The following PAFAH2 variants were observed in gnomAD, a reference collection of about 807,000 sequenced individuals.
PAFAH2 encodes platelet-activating factor acetylhydrolase 2, cytoplasmic.
A neutral mutation model predicts 49.0 loss-of-function variants in PAFAH2; 42 were observed. The ratio of observed to expected loss-of-function variants is 0.86; its 90% CI spans 0.67 to 1.11. The LOEUF (loss-of-function observed/expected upper bound fraction) is 1.11. Among genes scored for constraint, PAFAH2 ranks in the 50% least tolerant of loss-of-function variants. PAFAH2 has a pLI of 0.00. For missense variants in PAFAH2, 503 were observed against 501.8 expected (o/e 1.00, Z -0.02); for synonymous variants, 184 against 181.3 (o/e 1.01, Z -0.12).
At chr1:25,963,369 A>G (rs2049369567) in intron 10 of PAFAH2, among the ~76,000 whole-genome samples, 1 of 152,226 alleles carries the variant, frequency 6.6e-6, no homozygotes, top group Non-Finnish European at 1.5e-5. Flanking sequence ...GGCAGAGACA[A>G]ACAATAAACA....
chr1:25,984,030 G>A lies in PAFAH2; in HGVS notation c.468C>T (p.Pro156=). Residue 156 remains proline (P), a synonymous_variant, in exon 6 of 11, where the codon CCC becomes CCT. Coordinates refer to ENST00000374282, the MANE Select transcript of PAFAH2 (RefSeq NM_000437.4). ...ATTCCTCCTGCAGCGATTCATTGGT[G>A]GGCTGGTTCTCTTCTGGGGCCTGCT... ...FCKQAPEENQ[P]TNESLQEEWI... 1.2e-6 allele frequency: 2 copies of A among 1,614,118 alleles called. No homozygotes were observed. The highest frequency in any genetic ancestry group is 1.1e-5 in the South Asian group (1 of 91,074).
intron 7 of PAFAH2, among the ~76,000 whole-genome samples, chr1:25,980,214 C>T (rs907084789): frequency 3.3e-5 from 5 of 152,186 alleles, no homozygotes; most frequent in African/African-American, 1.2e-4. Flanking sequence ...GGTACTTAGC[C>T]TTTTTGATCC....
intron 3 of PAFAH2, among the ~76,000 whole-genome samples, chr1:25,988,706 G>T (rs1264081038): frequency 6.7e-6 from 1 of 149,692 alleles, no homozygotes; most frequent in African/African-American, 2.5e-5. Context: ...AGGAGGCTGA[G>T]GCAGGAGAAT....
intron 10 of PAFAH2, among the ~76,000 whole-genome samples, chr1:25,972,086 CTTAT>C (rs1385443147): frequency 1.3e-5 from 2 of 152,160 alleles, no homozygotes; most frequent in East Asian, 1.9e-4. Flanking sequence ...AGTATTTTTT[CTTAT>C]TTATTTGTTT....
chr1:25,988,404 G>A (rs1248559896), intron 3 of PAFAH2, 77 bp from the exon 4 acceptor site: 1 of 1,037,366 alleles, frequency 9.6e-7, no homozygotes, highest in African/African-American at 1.6e-5. Flanking sequence ...TATAGGTATG[G>A]GTGGGGACAT....
At chr1:25,970,881 C>T (rs979697471) in intron 10 of PAFAH2, among the ~76,000 whole-genome samples, 2 of 152,102 alleles carry the variant, frequency 1.3e-5, no homozygotes, top group Non-Finnish European at 1.5e-5. Context: ...TGAGCTACCA[C>T]ACCCGGCCAG....
chr1:25,984,471 C>T lies in PAFAH2; in HGVS notation c.399G>A (p.Val133=). Residue 133 remains valine, a synonymous_variant, in exon 5 of 11, where the codon GTG becomes GTA. Coordinates refer to ENST00000374282, the MANE Select transcript of PAFAH2 (RefSeq NM_000437.4). The stretch of plus-strand genomic sequence containing the variant: ...GGCTCATCCCTCACCTGTGCTCTGG[C>T]ACAGCAACCACAAAGCCACGTGAGG... The part of the protein sequence containing the change: ...ELASRGFVVA[V]PEHRDRSAAT... 1 of 1,613,374 alleles carries T rather than the reference C, an allele frequency of 6.2e-7. No individual in the cohort carries two copies. The highest frequency in any genetic ancestry group is 8.5e-7 in the Non-Finnish European group (1 of 1,179,566).
chr1:25,976,646 TG>T, intron 8 of PAFAH2, 35 bp downstream of exon 8: 2 of 1,417,334 alleles, frequency 1.4e-6, no homozygotes, highest in Non-Finnish European at 2.0e-6. Flanking sequence ...AAACGGTGTA[TG>T]GAGCTAAGCA....
intron 5 of PAFAH2, 147 bp from the exon 6 acceptor site, chr1:25,984,234 G>A: frequency 1.1e-6 from 1 of 946,840 alleles, no homozygotes; most frequent in African/African-American, 1.6e-5. Flanking sequence ...TAGGGAAGTG[G>A]AAAAAATACA....
Position 25,972,632 on chromosome 1 carries a change from C to T in PAFAH2, c.1010G>A (p.Arg337His), listed in dbSNP as rs879005093. The T allele has an allele frequency of 2.0e-5, 33 of 1,613,812 alleles. No individual in the cohort carries two copies. The highest frequency in any genetic ancestry group is 1.5e-4 in the South Asian group (14 of 91,084). The change falls in exon 10 of 11, where the codon CGT becomes CAT. Residue 337 changes from arginine to histidine, a missense_variant. Transcript: ENST00000374282. ...CCCTTCATAGGGGTCCAGGCTCCCA[C>T]GGGTTTCAGTGGAGAAGAATTTACC... ...LIGKFFSTETRGSLDPYEGQE... is the reference protein window; with the variant it reads ...LIGKFFSTETHGSLDPYEGQE...
Position 25,960,943 on chromosome 1 carries a change from T to A in PAFAH2, c.*1046A>T, listed in dbSNP as rs2049330452. The A allele has an allele frequency of 6.6e-6, 1 of 151,976 alleles. No homozygotes were observed. The highest frequency in any genetic ancestry group is 1.5e-5 in the Non-Finnish European group (1 of 68,024). The allele number at this position is 151,976 out of a possible 1,614,324, so 9.4% of individuals were successfully genotyped here. On this transcript the variant is annotated 3_prime_UTR_variant, in exon 11 of 11. Coordinates refer to ENST00000374282, the MANE Select transcript of PAFAH2 (RefSeq NM_000437.4). ...GCTTCAGCCTCCTGAGTAGCTGGGA[T>A]TATAGGCGCCTGCCATTACGCCAGG...
chr1:25,980,357 CCT>C (rs2049664783), intron 7 of PAFAH2, among the ~76,000 whole-genome samples: 1 of 151,676 alleles, frequency 6.6e-6, no homozygotes, highest in Admixed American at 6.6e-5. Flanking sequence ...GGAGTCTCGC[CCT>C]GTCACCAGGC....
intron 1 of PAFAH2, among the ~76,000 whole-genome samples, chr1:25,995,696 A>C (rs1415799084): frequency 1.3e-5 from 2 of 152,212 alleles, no homozygotes; most frequent in Non-Finnish European, 2.9e-5. Flanking sequence ...CCCTGCATAT[A>C]GCTGGTCTCA....
chr1:25,971,107 TA>T (rs2049503138), intron 10 of PAFAH2, among the ~76,000 whole-genome samples: 2 of 152,156 alleles, frequency 1.3e-5, no homozygotes, highest in Admixed American at 1.3e-4. Context: ...CTTGAGGGGT[TA>T]ACCTGGGCAA....
chr1:25,975,091 C>A (rs2049569619), intron 8 of PAFAH2, among the ~76,000 whole-genome samples: 2 of 152,074 alleles, frequency 1.3e-5, no homozygotes, highest in African/African-American at 4.8e-5. Flanking sequence ...AACTTAGTGC[C>A]CTGATTGCAC....
At chr1:25,973,054 G>A (rs768099224) in intron 9 of PAFAH2, among the ~76,000 whole-genome samples, 32 of 152,186 alleles carry the variant, frequency 2.1e-4, no homozygotes, top group Non-Finnish European at 4.1e-4. Context: ...TCTGTGGCAC[G>A]TGGCATTTCT....
At chr1:25,987,108 G>A (rs1165422299) in intron 4 of PAFAH2, among the ~76,000 whole-genome samples, 3 of 151,554 alleles carry the variant, frequency 2.0e-5, no homozygotes, top group Non-Finnish European at 4.4e-5. Flanking sequence ...GGTGTTGGGT[G>A]CCTGTAATCC....
In PAFAH2 at chr1:25,984,845, C is replaced by CTTTTTTTTT. The variant is rs34522205; in HGVS notation, c.342-326_342-318dup. Among the ~76,000 whole-genome samples the CTTTTTTTTT allele has an allele frequency of 3.8e-5, 4 of 104,284 alleles. 1 individual carries two copies. Among genetic ancestry groups the CTTTTTTTTT allele is most frequent in the Non-Finnish European group, 5.5e-5 (3 of 54,872 alleles). 68.4% of individuals were successfully genotyped at this position (104,284 alleles called of 152,430 possible). A position where few individuals can be genotyped will look rare whatever the true frequency, so the allele number is the denominator to read the frequency against. On this transcript the variant is annotated intron_variant, in intron 4 of 10. Coordinates refer to ENST00000374282, the MANE Select transcript of PAFAH2 (RefSeq NM_000437.4). ...CTGGACTTCAGAGCCAGAGAGATTT[C>CTTTTTTTTT]TTTTTTTTTTTTTTTTTTTTTGAGA...
In PAFAH2 at chr1:25,990,741, C is replaced by A; in HGVS notation, c.76G>T (p.Gly26Cys). The change falls in exon 2 of 11, where the codon GGT (glycine) becomes TGT (cysteine). Residue 26 changes from glycine (G) to cysteine (C), a missense_variant. Coordinates refer to ENST00000374282, the MANE Select transcript of PAFAH2 (RefSeq NM_000437.4). ...GGGACACTTACCTGGAGATTCTGAC[C>A]CTCCATCACATCCCCACAGCCTACG... The part of the protein sequence containing the change: ...HLVGCGDVME[G>C]QNLQGSFFRL... The A allele has an allele frequency of 6.2e-7, 1 of 1,613,604 alleles. No individual in the cohort carries two copies. The highest frequency in any genetic ancestry group is 8.5e-7 in the Non-Finnish European group (1 of 1,179,650).
Sources: allele counts gnomAD v4.1 joint callset (sites outside exome capture counted in the v4.1 genomes callset), GRCh38; gene constraint gnomAD v4.1.1; transcripts MANE v1.5; gene names NCBI Gene and HGNC (gene_info 2026-07-23, HGNC 2026-07-21).